CTNNA2: variants seen among roughly 807,000 people sequenced by gnomAD.
CTNNA2 encodes catenin alpha-2.
Under a neutral mutation model 101.0 loss-of-function variants are expected in CTNNA2, and 42 were observed. The observed-to-expected ratio is 0.42, with a 90% confidence interval of 0.32 to 0.54. CTNNA2 has a LOEUF of 0.54. Among genes scored for constraint, CTNNA2 ranks in the 20% least tolerant of loss-of-function variants. CTNNA2 has a pLI of 0.14. For synonymous variants in CTNNA2, 450 were observed against 456.4 expected, an observed-to-expected ratio of 0.99 and a Z score of 0.18; for missense variants, 871 against 1,223.1, an observed-to-expected ratio of 0.71 and a Z score of 4.29.
intron 2 of CTNNA2, among the ~76,000 whole-genome samples, chr2:79,712,859 G>A (rs932778117): frequency 1.3e-5 from 2 of 152,124 alleles, no homozygotes; most frequent in Admixed American, 6.6e-5. Flanking sequence ...TAATATTTAA[G>A]ATCTAATGGA....
intron 4 of CTNNA2, among the ~76,000 whole-genome samples, chr2:79,482,529 T>A (rs1475690945): frequency 1.3e-5 from 2 of 152,176 alleles, no homozygotes; most frequent in Non-Finnish European, 2.9e-5. Context: ...CAGCCTAGAT[T>A]TCCAAATGTT....
chr2:80,267,842 A>T (rs1660577161), intron 7 of CTNNA2, among the ~76,000 whole-genome samples: 1 of 152,206 alleles, frequency 6.6e-6, no homozygotes, highest in Admixed American at 6.5e-5. Flanking sequence ...TAAGGGGAGT[A>T]GGAGGAAGGG....
chr2:80,358,112 A>T (rs1164812829), intron 7 of CTNNA2, among the ~76,000 whole-genome samples: 2 of 152,106 alleles, frequency 1.3e-5, no homozygotes, highest in Admixed American at 1.3e-4. Flanking sequence ...TTTATCACCC[A>T]GAAAGTAAGG....
intron 1 of CTNNA2, among the ~76,000 whole-genome samples, chr2:79,518,683 C>T (rs1278196392): frequency 6.6e-6 from 1 of 152,106 alleles, no homozygotes; most frequent in Non-Finnish European, 1.5e-5. Flanking sequence ...ATCTTAAATT[C>T]ATAGGGCCTG....
At chr2:80,131,416 T>G in intron 7 of CTNNA2, among the ~76,000 whole-genome samples, 1 of 152,218 alleles carries the variant, frequency 6.6e-6, no homozygotes, top group East Asian at 1.9e-4. Context: ...AAACTCACTG[T>G]ACTATTGTAA....
intron 7 of CTNNA2, among the ~76,000 whole-genome samples, chr2:80,176,724 T>C (rs1347606650): frequency 6.6e-6 from 1 of 152,232 alleles, no homozygotes; most frequent in African/African-American, 2.4e-5. Context: ...TACTCTTCTT[T>C]ACCTCCACTG....
At chr2:79,280,685 A>AAGAGAGAG (rs1303364237) in intron 2 of CTNNA2, among the ~76,000 whole-genome samples, 2 of 88,446 alleles carry the variant, frequency 2.3e-5, no homozygotes, top group Non-Finnish European at 4.6e-5. Context: ...GAGAGAGAGA[A>AAGAGAGAG]AGAGAGAGAG....
chr2:79,462,313 A>G (rs956180824), intron 4 of CTNNA2, among the ~76,000 whole-genome samples: 1 of 152,236 alleles, frequency 6.6e-6, no homozygotes, highest in Admixed American at 6.5e-5. Flanking sequence ...AAACACAGGC[A>G]TGCTCCTCTT....
intron 7 of CTNNA2, chr2:80,162,939 T>C: frequency 6.5e-7 from 1 of 1,545,172 alleles, no homozygotes; most frequent in South Asian, 1.1e-5. Context: ...ATTTCCAACA[T>C]GATATTGGGG....
At chr2:80,470,635 C>T (rs1411062730) in intron 9 of CTNNA2, among the ~76,000 whole-genome samples, 1 of 152,124 alleles carries the variant, frequency 6.6e-6, no homozygotes, top group Non-Finnish European at 1.5e-5. Flanking sequence ...ACCAAACATT[C>T]ATTGAATACC....
At chr2:80,092,718 T>G (rs1699863831) in intron 7 of CTNNA2, among the ~76,000 whole-genome samples, 1 of 152,152 alleles carries the variant, frequency 6.6e-6, no homozygotes, top group Admixed American at 6.5e-5. Flanking sequence ...CACTGCTTAC[T>G]GGCCTAGCTG....
chr2:79,216,141 T>C (rs1470175051), intron 2 of CTNNA2, among the ~76,000 whole-genome samples: 1 of 152,186 alleles, frequency 6.6e-6, no homozygotes, highest in Non-Finnish European at 1.5e-5. Context: ...AGTGCCATTT[T>C]CTGGCTATTT....
At chr2:80,469,096 T>C (rs1331080501) in intron 9 of CTNNA2, among the ~76,000 whole-genome samples, 2 of 152,118 alleles carry the variant, frequency 1.3e-5, no homozygotes, top group African/African-American at 4.8e-5. Context: ...TGACGGCTTA[T>C]AGGGGTCTTA....
At chr2:80,605,554 T>A (rs1697927890) in intron 16 of CTNNA2, 1 of 151,874 alleles carries the variant, frequency 6.6e-6, no homozygotes, top group Non-Finnish European at 1.5e-5. Context: ...TTATTGTAGT[T>A]TTCCTCCCTC....
chr2:80,182,703 G>A (rs1440859250), intron 7 of CTNNA2, among the ~76,000 whole-genome samples: 1 of 152,172 alleles, frequency 6.6e-6, no homozygotes, highest in Non-Finnish European at 1.5e-5. Flanking sequence ...GCCCAAGTAG[G>A]CCTCTCTGAG....
At chr2:80,382,553 A>G (rs1257254087) in intron 7 of CTNNA2, among the ~76,000 whole-genome samples, 1 of 152,224 alleles carries the variant, frequency 6.6e-6, no homozygotes, top group East Asian at 1.9e-4. Context: ...CTATAGGCAC[A>G]CAGAAGAGGC....
chr2:80,302,463 A>G lies in CTNNA2; in HGVS notation c.1057-90748A>G, dbSNP rs370350389. Reference sequence around the variant, plus strand: ...CTGAGCTGCCTGAGGCTGGCTGGGAAACACTTCCAGGACACGTAGAGCACC... The same window carrying G: ...CTGAGCTGCCTGAGGCTGGCTGGGAGACACTTCCAGGACACGTAGAGCACC... On this transcript the variant is annotated intron_variant, in intron 7 of 18. Transcript: ENST00000402739. The surrounding 1 kb of genome is among the most constrained non-coding windows in gnomAD (Gnocchi z 6.4). The G allele has an allele frequency of 3.1e-6, 5 of 1,614,042 alleles. No individual in the cohort carries two copies. The highest frequency in any genetic ancestry group is 4.2e-6 in the Non-Finnish European group (5 of 1,180,048).
At chr2:79,979,011 T>A (rs1691065237) in intron 7 of CTNNA2, among the ~76,000 whole-genome samples, 1 of 151,834 alleles carries the variant, frequency 6.6e-6, no homozygotes, top group South Asian at 2.1e-4. Context: ...ATTCAAGGAG[T>A]CTGGCTCTAG....
chr2:80,004,680 T>TATTG (rs1693204362), intron 7 of CTNNA2, among the ~76,000 whole-genome samples: 1 of 31,834 alleles, frequency 3.1e-5, no homozygotes, highest in Non-Finnish European at 9.9e-5. Context: ...TACATTTATT[T>TATTG]ATTTATTTAT....
Sources: allele counts gnomAD v4.1 joint callset (sites outside exome capture counted in the v4.1 genomes callset), GRCh38; gene constraint gnomAD v4.1.1; non-coding constraint Gnocchi (gnomAD v3.1); transcripts MANE v1.5; gene names NCBI Gene and HGNC (gene_info 2026-07-23, HGNC 2026-07-21).